Variants in PROX1 observed in about 807,000 individuals in gnomAD.
PROX1 encodes the protein prospero homeobox protein 1.
PROX1 carries 7 observed loss-of-function variants against 58.8 expected under a neutral mutation model. The ratio of observed to expected loss-of-function variants is 0.12; its 90% CI spans 0.07 to 0.22. The LOEUF (loss-of-function observed/expected upper bound fraction) is 0.22, where lower values mean the gene tolerates loss of function less well. PROX1 is among the 10% of genes least tolerant of loss of function. PROX1 has a pLI of 1.00. For synonymous variants in PROX1, 350 were observed against 358.3 expected, an observed-to-expected ratio of 0.98 and a Z score of 0.26; for missense variants, 675 against 927.8, an observed-to-expected ratio of 0.73 and a Z score of 3.54.
upstream of PROX1, chr1:213,986,408 C>T (rs190073038): frequency 1.3e-5 from 2 of 152,286 alleles, no homozygotes; most frequent in East Asian, 3.9e-4. Flanking sequence ...GGGATAGACT[C>T]GGACATACTA....
intron 4 of PROX1, among the ~76,000 whole-genome samples, chr1:214,015,894 C>T (rs1338691687): frequency 1.3e-5 from 2 of 152,128 alleles, no homozygotes; most frequent in Non-Finnish European, 2.9e-5. Context: ...TAGTCATTCA[C>T]CTGTAGGCAG....
intron 1 of PROX1, among the ~76,000 whole-genome samples, chr1:213,995,463 GT>G (rs58470774): frequency 0.029 from 4,176 of 145,678 alleles, 172 homozygotes; most frequent in African/African-American, 0.09. Flanking sequence ...AGTTTTTTCT[GT>G]TTTTTTTTTT....
chr1:213,996,266 T>A (rs74139074), intron 1 of PROX1, among the ~76,000 whole-genome samples: 397 of 152,272 alleles, frequency 2.6e-3, no homozygotes, highest in African/African-American at 8.5e-3. Flanking sequence ...AATTTTTTTT[T>A]AATCTTAATC....
intron 1 of PROX1, among the ~76,000 whole-genome samples, chr1:213,996,147 G>A (rs1272641906): frequency 1.3e-5 from 2 of 152,114 alleles, no homozygotes; most frequent in Non-Finnish European, 2.9e-5. Context: ...TCAATTGGTT[G>A]TCAGAGGCTG....
rs1430961572 is a variant in PROX1, at chr1:213,997,554, C to G, written c.1019C>G (p.Ser340Cys). ...AAAGAAAGAGACCATGGGCCAAACT[C>G]CTTACAACCGGAAGGCAAACATTTG... ...NNKERDHGPN[S>C]LQPEGKHLAE... Residue 340 changes from serine to cysteine, a missense_variant, in exon 2 of 5, where the codon TCC becomes TGC. Around this residue, in one of 8 missense-constraint regions of PROX1, gnomAD observed 403 missense variants for 477.4 expected, o/e 0.84. Coordinates refer to ENST00000366958, the MANE Select transcript of PROX1 (RefSeq NM_001270616.2). The surrounding 1 kb of genome is among the most constrained non-coding windows in gnomAD (Gnocchi z 7.1). The G allele has an allele frequency of 4.3e-6, 7 of 1,613,982 alleles. No homozygotes were observed. In the African/African-American group the frequency reaches 8.0e-5, roughly 18 times the overall value.
chr1:214,002,824 G>A (rs1279763136), intron 2 of PROX1, among the ~76,000 whole-genome samples: 1 of 151,844 alleles, frequency 6.6e-6, no homozygotes, highest in Admixed American at 6.5e-5. Flanking sequence ...TTTATTTTGA[G>A]GAGAAAAAAA....
Position 213,996,654 on chromosome 1 carries a change from C to G in PROX1, c.119C>G (p.Thr40Arg), listed in dbSNP as rs753030931. 2 of 1,614,132 alleles carry G rather than the reference C, an allele frequency of 1.2e-6. No homozygotes were observed. Among genetic ancestry groups the G allele is most frequent in the Non-Finnish European group, 1.7e-6 (2 of 1,180,032 alleles). ...GCATTTTTTGCTAAGGCAAGAGCAACGTTTTTTAGTGCCATGAATCCCCAA... is the reference window on the plus strand; with the variant it reads ...GCATTTTTTGCTAAGGCAAGAGCAAGGTTTTTTAGTGCCATGAATCCCCAA... ...ASAFFAKARATFFSAMNPQGS... is the reference protein window; with the variant it reads ...ASAFFAKARARFFSAMNPQGS... Residue 40 changes from threonine to arginine, a missense_variant, in exon 2 of 5, where the codon ACG becomes AGG. Physicochemically the swap from Thr to Arg is moderately conservative, Grantham distance 71. Around this residue, in one of 8 missense-constraint regions of PROX1, gnomAD observed 157 missense variants for 197.8 expected, o/e 0.79. Coordinates refer to ENST00000366958, the MANE Select transcript of PROX1 (RefSeq NM_001270616.2).
At chr1:214,031,207 T>C (rs539460806) in intron 4 of PROX1, among the ~76,000 whole-genome samples, 62 of 152,300 alleles carry the variant, frequency 4.1e-4, no homozygotes, top group African/African-American at 1.5e-3. Flanking sequence ...AAGTCTGTGA[T>C]GAAATTGGTA....
intron 4 of PROX1, among the ~76,000 whole-genome samples, chr1:214,023,111 C>T (rs543234316): frequency 6.6e-6 from 1 of 152,314 alleles, no homozygotes; most frequent in African/African-American, 2.4e-5. Flanking sequence ...CAAATTCATA[C>T]ACAATTTATT....
intron 1 of PROX1, among the ~76,000 whole-genome samples, chr1:213,990,181 C>G (rs1489426245): frequency 4.0e-5 from 6 of 150,872 alleles, no homozygotes; most frequent in Admixed American, 6.6e-5. Flanking sequence ...GAACTCATTT[C>G]CTTTCCTAAC....
At position 214,037,236 on chromosome 1, in the gene PROX1, T is replaced by G. The variant is rs1407422186; in HGVS notation, c.*1402T>G. 1.3e-5 allele frequency: 2 copies of G among 152,202 alleles called. No individual in the cohort carries two copies. The highest frequency in any genetic ancestry group is 1.5e-5 in the Non-Finnish European group (1 of 68,040). 9.4% of individuals were successfully genotyped at this position (152,202 alleles called of 1,614,324 possible). A position where few individuals can be genotyped will look rare whatever the true frequency, so the allele number is the denominator to read the frequency against. ...CGTATGGCATTCACACTTTTTTTCT[T>G]AGGTGGGTTTTTGTGTCCAGATGCA... On this transcript the variant is annotated 3_prime_UTR_variant, in exon 5 of 5. Coordinates refer to ENST00000366958, the MANE Select transcript of PROX1 (RefSeq NM_001270616.2).
intron 1 of PROX1, among the ~76,000 whole-genome samples, chr1:213,993,530 A>T (rs544897935): frequency 1.3e-5 from 2 of 152,316 alleles, no homozygotes; most frequent in South Asian, 2.1e-4. Flanking sequence ...TATTATGGTA[A>T]CGTAACAGTA....
In PROX1 at chr1:213,997,462, C is replaced by T. The variant is rs775674558; in HGVS notation, c.927C>T (p.Asp309=). ...MCELDPGQFI[D]RARALIREQE... ...AGCTAGACCCAGGACAGTTTATTGACCGAGCTCGAGCCCTGATCAGAGAGC... is the reference window on the plus strand; with the variant it reads ...AGCTAGACCCAGGACAGTTTATTGATCGAGCTCGAGCCCTGATCAGAGAGC... The change falls in exon 2 of 5, where the codon GAC becomes GAT. Residue 309 remains aspartate (D), a synonymous_variant. Transcript: ENST00000366958. This position sits in a 1 kb window ranked among gnomAD's most constrained non-coding sequence, Gnocchi z 7.1. The T allele has an allele frequency of 4.0e-5, 65 of 1,613,972 alleles. No homozygotes were observed. The highest frequency in any genetic ancestry group is 5.4e-5 in the Non-Finnish European group (64 of 1,180,036).
At chr1:214,028,050 G>A (rs1403755360) in intron 4 of PROX1, among the ~76,000 whole-genome samples, 1 of 151,806 alleles carries the variant, frequency 6.6e-6, no homozygotes, top group Non-Finnish European at 1.5e-5. Context: ...CAAACTGCAT[G>A]GGTATTAGAC....
intron 4 of PROX1, chr1:214,029,107 C>G (rs999379045): frequency 3.3e-5 from 5 of 152,232 alleles, no homozygotes; most frequent in African/African-American, 4.8e-5. Context: ...ATTTACTTAA[C>G]AAACAGCAGG....
At chr1:213,999,480 T>C (rs1663412860) in intron 2 of PROX1, among the ~76,000 whole-genome samples, 1 of 152,164 alleles carries the variant, frequency 6.6e-6, no homozygotes, top group Non-Finnish European at 1.5e-5. Context: ...GTCCCAGCTA[T>C]TGGTGGAAAT....
At chr1:214,000,243 C>T (rs1663450741) in intron 2 of PROX1, among the ~76,000 whole-genome samples, 1 of 152,112 alleles carries the variant, frequency 6.6e-6, no homozygotes, top group Non-Finnish European at 1.5e-5. Flanking sequence ...ATAATTATGG[C>T]TGTGCTTTTT....
At chr1:214,005,138 G>A (rs372354574) in intron 2 of PROX1, 27 bp from the exon 3 acceptor site, 86 of 1,577,408 alleles carry the variant, frequency 5.5e-5, no homozygotes, top group Non-Finnish European at 7.5e-5. Flanking sequence ...TTACAGAATT[G>A]CTTTTCCTTA....
rs190786076 is a variant in PROX1, at chr1:214,041,288, T to A, written c.*5454T>A. On this transcript the variant is annotated 3_prime_UTR_variant, in exon 5 of 5. Transcript: ENST00000366958. Reference sequence around the variant, plus strand: ...GATTTTCTTAAAGAAAGAGTGACTTTTAATTTTTGGACCTGTATCCAATTG... The same window carrying A: ...GATTTTCTTAAAGAAAGAGTGACTTATAATTTTTGGACCTGTATCCAATTG... The A allele has an allele frequency of 2.0e-5, 3 of 152,252 alleles. No homozygotes were observed. Among genetic ancestry groups the A allele is most frequent in the African/African-American group, 7.2e-5 (3 of 41,572 alleles). 9.4% of individuals were successfully genotyped at this position (152,252 alleles called of 1,614,324 possible).
Sources: gnomAD v4.1 joint callset for allele counts (sites outside exome capture counted in the v4.1 genomes callset) on GRCh38, gnomAD v4.1.1 for gene constraint, gnomAD v4.1.1 regional missense constraint, Gnocchi (gnomAD v3.1) non-coding constraint, MANE v1.5 for transcripts, NCBI Gene and HGNC (gene_info 2026-07-23, HGNC 2026-07-21) for gene names.